TMEM116: variants seen among roughly 807,000 people sequenced by gnomAD.
TMEM116 encodes the protein transmembrane protein 116.
A neutral mutation model predicts 44.3 loss-of-function variants in TMEM116; 38 were observed. The observed-to-expected ratio is 0.86, with a 90% CI of 0.66 to 1.12. The LOEUF is 1.12. TMEM116 is among the 50% of genes most tolerant of loss of function. The probability of loss-of-function intolerance (pLI) is 0.00; values close to 1 mark genes in which losing one functional copy is unlikely to be tolerated. For synonymous variants in TMEM116, 132 were observed against 144.8 expected (o/e 0.91, Z 0.64); for missense variants, 354 against 401.7 (o/e 0.88, Z 1.01).
intron 3 of TMEM116, 98 bp from the exon 4 acceptor site, chr12:111,991,987 G>A: frequency 7.7e-7 from 1 of 1,301,694 alleles, no homozygotes; most frequent in Non-Finnish European, 1.0e-6. Flanking sequence ...GTAGGAAACT[G>A]ACATCATTTT....
intron 3 of TMEM116, among the ~76,000 whole-genome samples, chr12:111,997,432 G>C (rs2076985679): frequency 6.6e-6 from 1 of 152,088 alleles, no homozygotes. Flanking sequence ...ATAGTGGCGT[G>C]CACCTGTAGT....
intron 4 of TMEM116, among the ~76,000 whole-genome samples, chr12:111,945,695 A>C (rs941126998): frequency 3.3e-5 from 5 of 152,216 alleles, no homozygotes; most frequent in South Asian, 2.1e-4. Flanking sequence ...TTGAATGACT[A>C]CCTTGCATAA....
intron 10 of TMEM116, among the ~76,000 whole-genome samples, 179 bp downstream of exon 10, chr12:111,932,407 T>A (rs1416618655): frequency 1.3e-5 from 2 of 152,238 alleles, no homozygotes; most frequent in African/African-American, 2.4e-5. Context: ...TACAACATTA[T>A]CTACCTCGAC....
intron 4 of TMEM116, among the ~76,000 whole-genome samples, chr12:111,966,926 C>T (rs1310898281): frequency 1.3e-5 from 2 of 152,160 alleles, no homozygotes; most frequent in Non-Finnish European, 2.9e-5. Context: ...AAGCTTATTC[C>T]TAATCAAACA....
chr12:111,995,466 G>C (rs760637801), intron 3 of TMEM116, among the ~76,000 whole-genome samples: 1 of 152,078 alleles, frequency 6.6e-6, no homozygotes, highest in African/African-American at 2.4e-5. Flanking sequence ...GTTCTAGGAC[G>C]GGCATGGTGG....
At chr12:111,964,714 G>T (rs2074867574) in intron 4 of TMEM116, among the ~76,000 whole-genome samples, 1 of 152,122 alleles carries the variant, frequency 6.6e-6, no homozygotes, top group African/African-American at 2.4e-5. Flanking sequence ...TTGAGGCAGG[G>T]TCTTGCTATG....
chr12:111,965,957 C>G (rs968722765), intron 4 of TMEM116, among the ~76,000 whole-genome samples: 2 of 151,354 alleles, frequency 1.3e-5, no homozygotes, highest in African/African-American at 4.9e-5. Context: ...AAATAAACAA[C>G]AACAAAAAAT....
intron 4 of TMEM116, among the ~76,000 whole-genome samples, chr12:111,970,368 T>A (rs1465338234): frequency 6.6e-6 from 1 of 151,622 alleles, no homozygotes; most frequent in South Asian, 2.1e-4. Context: ...AGACTATTGG[T>A]GAACTGTGAG....
chr12:111,971,767 CACAA>C (rs1268518775), intron 4 of TMEM116, among the ~76,000 whole-genome samples: 2 of 151,918 alleles, frequency 1.3e-5, no homozygotes, highest in Admixed American at 6.6e-5. Flanking sequence ...ATACATAAAA[CACAA>C]ACAAATTAAA....
chr12:111,978,798 TA>T, intron 4 of TMEM116: 1 of 435,660 alleles, frequency 2.3e-6, no homozygotes, highest in South Asian at 1.6e-5. Flanking sequence ...CTGTAAGAAA[TA>T]AATGCCTGTT....
chr12:111,960,266 G>A (rs969389097), intron 4 of TMEM116, among the ~76,000 whole-genome samples: 6 of 152,042 alleles, frequency 3.9e-5, no homozygotes, highest in East Asian at 1.9e-4. Flanking sequence ...GAGGCGGGTA[G>A]ATCACAAGGT....
intron 1 of TMEM116, among the ~76,000 whole-genome samples, chr12:112,009,871 A>G (rs371622059): frequency 2.0e-5 from 3 of 152,000 alleles, no homozygotes; most frequent in South Asian, 4.2e-4. Context: ...AACAAAACCT[A>G]CTTCTAAACT....
chr12:111,943,046 G>A (rs928422569), intron 5 of TMEM116, among the ~76,000 whole-genome samples: 2 of 151,534 alleles, frequency 1.3e-5, no homozygotes, highest in African/African-American at 2.4e-5. Context: ...TTCAGCCCCC[G>A]GAGTAGCTAG....
At chr12:111,963,036 T>C (rs1042637972) in intron 4 of TMEM116, among the ~76,000 whole-genome samples, 2 of 152,166 alleles carry the variant, frequency 1.3e-5, no homozygotes, top group African/African-American at 4.8e-5. Flanking sequence ...GAAGACATTA[T>C]GCAGCCAACA....
chr12:111,958,111 CA>C (rs2074290108), intron 4 of TMEM116, among the ~76,000 whole-genome samples: 1 of 151,808 alleles, frequency 6.6e-6, no homozygotes, highest in Admixed American at 6.6e-5. Flanking sequence ...TCCCTAATCT[CA>C]ACTACCCAGG....
At chr12:111,943,565 G>A (rs559935754) in intron 4 of TMEM116, among the ~76,000 whole-genome samples, 196 bp from the exon 5 acceptor site, 2 of 152,144 alleles carry the variant, frequency 1.3e-5, no homozygotes, top group South Asian at 4.2e-4. Flanking sequence ...CAGAGTTTTC[G>A]CTATTGTTGC....
At chr12:112,010,429 C>T (rs1173106575) in intron 1 of TMEM116, 1 of 152,228 alleles carries the variant, frequency 6.6e-6, no homozygotes, top group Non-Finnish European at 1.5e-5. Flanking sequence ...GAAGGGTGAA[C>T]AAGACAAAGA....
At chr12:111,931,907 A>G (rs2136211894) in intron 10 of TMEM116, 80 bp from the exon 11 acceptor site, 1 of 974,178 alleles carries the variant, frequency 1.0e-6, no homozygotes, top group South Asian at 1.8e-5. Context: ...CCCCTTATTC[A>G]TAAAGCATTG....
intron 4 of TMEM116, among the ~76,000 whole-genome samples, chr12:111,944,153 A>G (rs1234456443): frequency 6.6e-6 from 1 of 152,158 alleles, no homozygotes; most frequent in Non-Finnish European, 1.5e-5. Flanking sequence ...AACTAGTAGG[A>G]TAAAATCTAA....
Sources: allele counts gnomAD v4.1 joint callset (sites outside exome capture counted in the v4.1 genomes callset), GRCh38; gene constraint gnomAD v4.1.1; transcripts MANE v1.5; gene names NCBI Gene and HGNC (gene_info 2026-07-23, HGNC 2026-07-21).